FILIP1L: variants seen among roughly 807,000 people sequenced by gnomAD.
The protein encoded by FILIP1L is filamin A interacting protein 1 like, also known as filamin A-interacting protein 1-like.
FILIP1L carries 55 observed loss-of-function variants against 96.6 expected under a neutral mutation model. The ratio of observed to expected loss-of-function variants is 0.57; its 90% CI spans 0.46 to 0.71. The LOEUF (loss-of-function observed/expected upper bound fraction) is 0.71, where lower values mean the gene tolerates loss of function less well. FILIP1L is among the 30% of genes least tolerant of loss of function. The probability of loss-of-function intolerance (pLI) is 0.00; values close to 1 mark genes in which losing one functional copy is unlikely to be tolerated. For synonymous variants in FILIP1L, 467 were observed against 473.9 expected (o/e 0.99, Z 0.19); for missense variants, 1,304 against 1,321.2 (o/e 0.99, Z 0.20).
chr3:99,930,162 T>G (rs564525800), intron 2 of FILIP1L, 133 bp from the exon 3 acceptor site: 28 of 738,816 alleles, frequency 3.8e-5, no homozygotes, highest in Admixed American at 8.6e-5. Context: ...TTTCACACTT[T>G]TATAAAAGGT....
intron 1 of FILIP1L, among the ~76,000 whole-genome samples, chr3:99,947,570 A>G (rs1179171844): frequency 2.0e-5 from 3 of 152,234 alleles, no homozygotes; most frequent in Non-Finnish European, 2.9e-5. Context: ...GGAGTCCATG[A>G]GAACTGTCCT....
At chr3:100,091,750 A>G (rs1559754485) in intron 1 of FILIP1L, among the ~76,000 whole-genome samples, 1 of 152,264 alleles carries the variant, frequency 6.6e-6, no homozygotes, top group Non-Finnish European at 1.5e-5. Flanking sequence ...CATTAGTCAG[A>G]GTAAAATCCT....
At chr3:99,979,793 C>T (rs1190952991) in intron 1 of FILIP1L, among the ~76,000 whole-genome samples, 1 of 152,144 alleles carries the variant, frequency 6.6e-6, no homozygotes, top group African/African-American at 2.4e-5. Flanking sequence ...AGGGTCCCTC[C>T]TAGTCCTTAA....
At chr3:99,916,584 A>G (rs1363371361) in intron 4 of FILIP1L, among the ~76,000 whole-genome samples, 1 of 152,144 alleles carries the variant, frequency 6.6e-6, no homozygotes, top group African/African-American at 2.4e-5. Context: ...TGTGCATTAT[A>G]TAATTAGTAA....
At chr3:100,056,235 C>T (rs568033458) in intron 1 of FILIP1L, among the ~76,000 whole-genome samples, 25 of 152,138 alleles carry the variant, frequency 1.6e-4, no homozygotes, top group Non-Finnish European at 3.1e-4. Flanking sequence ...GGCTAGGAAC[C>T]AAGTCTGACT....
intron 1 of FILIP1L, among the ~76,000 whole-genome samples, chr3:100,008,634 A>G (rs778678482): frequency 1.3e-5 from 2 of 152,232 alleles, no homozygotes; most frequent in Admixed American, 6.5e-5. Context: ...ATCTTTCCAA[A>G]TAATTATTAA....
intron 1 of FILIP1L, among the ~76,000 whole-genome samples, chr3:100,033,114 C>A (rs2065046929): frequency 6.6e-6 from 1 of 151,860 alleles, no homozygotes; most frequent in Admixed American, 6.6e-5. Flanking sequence ...TGCTGGATAG[C>A]ATTACTTTAT....
chr3:100,015,068 T>G (rs1710301002), intron 1 of FILIP1L, among the ~76,000 whole-genome samples: 1 of 151,922 alleles, frequency 6.6e-6, no homozygotes, highest in Non-Finnish European at 1.5e-5. Context: ...TTGAATTTTG[T>G]GTATTGTACG....
intron 4 of FILIP1L, among the ~76,000 whole-genome samples, chr3:99,873,758 AT>A (rs1429610917): frequency 6.6e-6 from 1 of 152,230 alleles, no homozygotes; most frequent in Non-Finnish European, 1.5e-5. Context: ...GAACCGGAAA[AT>A]TAAGTCAAGG....
chr3:100,052,725 A>G (rs1454951432), intron 1 of FILIP1L, among the ~76,000 whole-genome samples: 1 of 152,226 alleles, frequency 6.6e-6, no homozygotes, highest in East Asian at 1.9e-4. Flanking sequence ...TACAAAGGCA[A>G]GGTGGAAGGT....
chr3:100,092,334 T>C (rs139280581), intron 1 of FILIP1L, among the ~76,000 whole-genome samples: 1 of 152,234 alleles, frequency 6.6e-6, no homozygotes, highest in East Asian at 1.9e-4. Flanking sequence ...CGTCATAGCA[T>C]ATTTTGGATT....
At chr3:99,943,628 CG>C (rs1192454670) in intron 1 of FILIP1L, among the ~76,000 whole-genome samples, 1 of 151,848 alleles carries the variant, frequency 6.6e-6, no homozygotes, top group Admixed American at 6.6e-5. Context: ...CGCTTGAACC[CG>C]GGAGGTGGAG....
intron 1 of FILIP1L, among the ~76,000 whole-genome samples, chr3:100,022,840 C>T (rs1389033840): frequency 4.6e-5 from 7 of 152,190 alleles, no homozygotes; most frequent in Non-Finnish European, 8.8e-5. Context: ...TGAGGTCCTA[C>T]ACTAGAGTCA....
At chr3:100,051,409 G>T (rs1263349117) in intron 1 of FILIP1L, 1 of 151,442 alleles carries the variant, frequency 6.6e-6, no homozygotes, top group East Asian at 1.9e-4. Flanking sequence ...ACAATGTGCA[G>T]GTTAGTTACA....
intron 4 of FILIP1L, among the ~76,000 whole-genome samples, chr3:99,857,965 T>C (rs1379067940): frequency 1.3e-5 from 2 of 152,178 alleles, no homozygotes; most frequent in Admixed American, 1.3e-4. Flanking sequence ...GAGGATCCTA[T>C]TCTCAAAGTG....
intron 1 of FILIP1L, among the ~76,000 whole-genome samples, chr3:100,084,633 G>A (rs921444695): frequency 2.0e-5 from 3 of 152,186 alleles, no homozygotes; most frequent in Non-Finnish European, 4.4e-5. Context: ...CTATGTCTAT[G>A]CAAGGGATTT....
chr3:99,891,088 A>G (rs1706069343), intron 4 of FILIP1L, among the ~76,000 whole-genome samples: 1 of 151,258 alleles, frequency 6.6e-6, no homozygotes, highest in South Asian at 2.1e-4. Flanking sequence ...CCCAGTTAGT[A>G]TGAATCTGCA....
At chr3:99,869,132 T>G (rs1276713383) in intron 4 of FILIP1L, among the ~76,000 whole-genome samples, 2 of 152,186 alleles carry the variant, frequency 1.3e-5, no homozygotes, top group Non-Finnish European at 2.9e-5. Context: ...AAGTAGAGTT[T>G]TGTTCCTCTT....
intron 1 of FILIP1L, among the ~76,000 whole-genome samples, chr3:100,033,174 GC>G (rs1206516950): frequency 6.6e-6 from 1 of 151,980 alleles, no homozygotes; most frequent in Non-Finnish European, 1.5e-5. Flanking sequence ...AATTATTTTG[GC>G]CCCTTAAAAC....
Sources: allele counts gnomAD v4.1 joint callset (sites outside exome capture counted in the v4.1 genomes callset), GRCh38; gene constraint gnomAD v4.1.1; transcripts MANE v1.5; gene names NCBI Gene and HGNC (gene_info 2026-07-23, HGNC 2026-07-21).